The following ATXN7L1 variants were observed in gnomAD, a reference collection of about 807,000 sequenced individuals.
The protein encoded by ATXN7L1 is ataxin 7 like 1.
A neutral mutation model predicts 70.8 loss-of-function variants in ATXN7L1; 15 were observed. The observed-to-expected ratio is 0.21, with a 90% CI of 0.14 to 0.33. The LOEUF is 0.33. Among genes scored for constraint, ATXN7L1 ranks in the 10% least tolerant of loss-of-function variants. The pLI is 1.00. For synonymous variants in ATXN7L1, 440 were observed against 445.1 expected (o/e 0.99, Z 0.14); for missense variants, 975 against 1,097.1 (o/e 0.89, Z 1.57).
At chr7:105,759,148 T>C (rs534350490) in intron 3 of ATXN7L1, among the ~76,000 whole-genome samples, 17 of 135,184 alleles carry the variant, frequency 1.3e-4, no homozygotes, top group Non-Finnish European at 2.1e-4. Flanking sequence ...GCCTTTTTTT[T>C]AGTTTATTCT....
At chr7:105,624,018 T>TA in intron 8 of ATXN7L1, 57 bp downstream of exon 8, 1 of 1,328,102 alleles carries the variant, frequency 7.5e-7, no homozygotes, top group Non-Finnish European at 9.8e-7. Context: ...TATGATCACC[T>TA]AAGTGTCTGC....
At chr7:105,827,576 T>A (rs1585098089) in intron 2 of ATXN7L1, among the ~76,000 whole-genome samples, 1 of 152,336 alleles carries the variant, frequency 6.6e-6, no homozygotes, top group East Asian at 1.9e-4. Context: ...GAAACTCGCC[T>A]GCACAGAAGG....
intron 2 of ATXN7L1, among the ~76,000 whole-genome samples, chr7:105,831,441 T>C (rs1811581247): frequency 1.3e-5 from 2 of 152,074 alleles, no homozygotes; most frequent in South Asian, 4.2e-4. Context: ...GGGCAACAGG[T>C]GGACAAAATC....
At chr7:105,872,907 C>T (rs1818482013) in intron 2 of ATXN7L1, among the ~76,000 whole-genome samples, 2 of 151,388 alleles carry the variant, frequency 1.3e-5, no homozygotes, top group South Asian at 4.2e-4. Context: ...GTAATCCCAG[C>T]ACTTTGGGAG....
intron 2 of ATXN7L1, 23 bp from the exon 3 acceptor site, chr7:105,788,731 TG>T (rs1804688516): frequency 1.3e-6 from 2 of 1,569,098 alleles, no homozygotes; most frequent in Non-Finnish European, 1.8e-6. Flanking sequence ...TGAAAACAAG[TG>T]TGTTTTGAAA....
intron 3 of ATXN7L1, among the ~76,000 whole-genome samples, chr7:105,733,374 T>C (rs1796788122): frequency 6.6e-6 from 1 of 152,242 alleles, no homozygotes; most frequent in South Asian, 2.1e-4. Flanking sequence ...GACAAGCAGA[T>C]TATTCATTCA....
chr7:105,664,662 C>T (rs1399804652), intron 4 of ATXN7L1, among the ~76,000 whole-genome samples: 4 of 150,920 alleles, frequency 2.7e-5, no homozygotes, highest in African/African-American at 4.9e-5. Flanking sequence ...CTCCGCCTCC[C>T]GGGTTCAAGC....
At chr7:105,839,048 C>A (rs1812819686) in intron 2 of ATXN7L1, among the ~76,000 whole-genome samples, 1 of 152,214 alleles carries the variant, frequency 6.6e-6, no homozygotes, top group African/African-American at 2.4e-5. Flanking sequence ...GGAAAGCCAG[C>A]CCCTGCGGGA....
intron 2 of ATXN7L1, among the ~76,000 whole-genome samples, chr7:105,831,665 T>A (rs367794143): frequency 2.0e-5 from 3 of 152,250 alleles, no homozygotes; most frequent in African/African-American, 7.2e-5. Context: ...ATATAGGAGA[T>A]GAGAGTAGAC....
chr7:105,730,266 T>C lies in ATXN7L1; in HGVS notation c.355+58338A>G, dbSNP rs567611599. On this transcript the variant is annotated intron_variant, in intron 3 of 11. Transcript: ENST00000419735. ...GATGTATGTGATGAAAATGGCACTT[T>C]ACCTCTGTGGTCTTTACCCCCAAAA... 6.6e-5 allele frequency among the ~76,000 whole-genome samples: 10 copies of C among 152,344 alleles called. No homozygotes were observed. In the South Asian group the frequency reaches 1.0e-3, roughly 16 times the overall value.
intron 2 of ATXN7L1, among the ~76,000 whole-genome samples, chr7:105,824,588 A>G (rs1036730467): frequency 3.3e-5 from 5 of 152,194 alleles, no homozygotes; most frequent in Admixed American, 3.3e-4. Context: ...TTCAAAAAAG[A>G]AAACAAAAGC....
intron 3 of ATXN7L1, among the ~76,000 whole-genome samples, chr7:105,699,469 G>C (rs1360576734): frequency 2.6e-5 from 4 of 152,128 alleles, no homozygotes; most frequent in African/African-American, 9.7e-5. Context: ...GGTATACTTT[G>C]AATGTTACTT....
chr7:105,847,667 C>A (rs570225554), intron 2 of ATXN7L1, among the ~76,000 whole-genome samples: 1 of 152,198 alleles, frequency 6.6e-6, no homozygotes, highest in South Asian at 2.1e-4. Flanking sequence ...CTGGCTCTGC[C>A]ACTTATTAGC....
intron 4 of ATXN7L1, among the ~76,000 whole-genome samples, chr7:105,661,360 CT>C (rs1412283926): frequency 6.1e-4 from 93 of 152,116 alleles, no homozygotes; most frequent in Admixed American, 6.1e-3. Context: ...GTATTGGATA[CT>C]CAGTATTGAC....
intron 3 of ATXN7L1, among the ~76,000 whole-genome samples, chr7:105,752,756 C>T (rs761381175): frequency 2.0e-5 from 3 of 152,206 alleles, no homozygotes; most frequent in Non-Finnish European, 4.4e-5. Context: ...TGGCTTTTCT[C>T]ATTATCCTGC....
chr7:105,622,683 C>G (rs1246648163), intron 8 of ATXN7L1, among the ~76,000 whole-genome samples: 1 of 152,242 alleles, frequency 6.6e-6, no homozygotes, highest in African/African-American at 2.4e-5. Flanking sequence ...CCTTCCTTCT[C>G]TGCTGCGAAT....
intron 6 of ATXN7L1, among the ~76,000 whole-genome samples, chr7:105,639,272 G>GT (rs11357544): frequency 0.038 from 4,925 of 128,026 alleles, 138 homozygotes; most frequent in East Asian, 0.11. Context: ...GGGAAGCCTA[G>GT]TTTTTTTTTT....
chr7:105,835,954 A>T (rs1285223406), intron 2 of ATXN7L1, among the ~76,000 whole-genome samples: 3 of 152,318 alleles, frequency 2.0e-5, no homozygotes, highest in African/African-American at 7.2e-5. Flanking sequence ...CTTTCTGAGG[A>T]AACCAGCTAA....
chr7:105,744,735 CTTTT>C (rs11465151), intron 3 of ATXN7L1, among the ~76,000 whole-genome samples: 2 of 117,122 alleles, frequency 1.7e-5, no homozygotes, highest in Non-Finnish European at 3.4e-5. Flanking sequence ...TCTTTCTTTA[CTTTT>C]TTTTTTTTTT....
Sources: gnomAD v4.1 joint callset for allele counts (sites outside exome capture counted in the v4.1 genomes callset) on GRCh38, gnomAD v4.1.1 for gene constraint, MANE v1.5 for transcripts, NCBI Gene and HGNC (gene_info 2026-07-23, HGNC 2026-07-21) for gene names.